NRXN2: variants seen among roughly 807,000 people sequenced by gnomAD.
NRXN2 encodes neurexin 2, also known as neurexin-2-beta.
In NRXN2, 29 loss-of-function variants were observed where a neutral mutation model predicts 128.8. That is an observed-to-expected ratio of 0.23 (90% CI 0.17 to 0.31). The LOEUF is 0.31. Among genes scored for constraint, NRXN2 ranks in the 10% least tolerant of loss-of-function variants. NRXN2 has a pLI of 1.00. For synonymous variants in NRXN2, 1,098 were observed against 1,075.2 expected (o/e 1.02, Z -0.41); for missense variants, 1,881 against 2,452.6 (o/e 0.77, Z 4.92).
Position 64,652,021 on chromosome 11 carries a change from C to T in NRXN2, c.2536+14G>A, listed in dbSNP as rs1219445886. On this transcript the variant is annotated intron_variant, in intron 13 of 22. Coordinates refer to ENST00000265459, the MANE Select transcript of NRXN2 (RefSeq NM_015080.4). The stretch of plus-strand genomic sequence containing the variant: ...CTGGAGATGTGTCCACCTCCCTGGG[C>T]CCAGACCACCTACCCTCCACAGTCA... 4.3e-6 allele frequency: 7 copies of T among 1,609,980 alleles called. No homozygotes were observed. The highest frequency in any genetic ancestry group is 5.1e-6 in the Non-Finnish European group (6 of 1,179,954).
At chr11:64,688,891 C>T in intron 5 of NRXN2, 1 of 803,448 alleles carries the variant, frequency 1.2e-6, no homozygotes, top group South Asian at 5.6e-5. Context: ...CTCTCGAGCT[C>T]TACAGCTGTC....
In NRXN2 at chr11:64,622,861, G is replaced by A. The variant is rs1211079930; in HGVS notation, c.4065C>T (p.Thr1355=). The change falls in exon 21 of 23, where the codon ACC becomes ACT. Residue 1355 remains threonine (T), a synonymous_variant. Coordinates refer to ENST00000265459, the MANE Select transcript of NRXN2 (RefSeq NM_015080.4). The surrounding 1 kb of genome is among the most constrained non-coding windows in gnomAD (Gnocchi z 4.3). ...SVLLSAETTA[T]TLLADMATTI... ...TGGTGGCCATGTCAGCCAGCAGGGTGGTGGCCGTGGTCTCCGCACTGAGCA... is the reference window on the plus strand; with the variant it reads ...TGGTGGCCATGTCAGCCAGCAGGGTAGTGGCCGTGGTCTCCGCACTGAGCA... 2 of 1,612,756 alleles carry A rather than the reference G, an allele frequency of 1.2e-6. No individual in the cohort carries two copies. Among genetic ancestry groups the A allele is most frequent in the South Asian group, 1.1e-5 (1 of 91,002 alleles).
intron 7 of NRXN2, among the ~76,000 whole-genome samples, chr11:64,671,060 C>T (rs1447408306): frequency 6.6e-6 from 1 of 152,214 alleles, no homozygotes; most frequent in African/African-American, 2.4e-5. Flanking sequence ...AGAGGAAACA[C>T]CCTCCTCAGT....
At position 64,630,250 on chromosome 11, in the gene NRXN2, C is replaced by A. The variant is rs1333206242; in HGVS notation, c.3757+152G>T. 9.6e-6 allele frequency: 7 copies of A among 730,420 alleles called. No individual in the cohort carries two copies. The East Asian group carries it at 2.1e-4, about 21-fold the overall frequency. 45.2% of individuals were successfully genotyped at this position (730,420 alleles called of 1,614,324 possible). ...TAGCCACGCCCCTGCCCTAGTCCCGCCTCGCAAGCTTCGTCTCTCCAGTAG... is the reference window on the plus strand; with the variant it reads ...TAGCCACGCCCCTGCCCTAGTCCCGACTCGCAAGCTTCGTCTCTCCAGTAG... On this transcript the variant is annotated intron_variant, in intron 19 of 22. Transcript: ENST00000265459. The surrounding 1 kb of genome is among the most constrained non-coding windows in gnomAD (Gnocchi z 4.6).
rs1346857982 is a variant in NRXN2 at position 64,660,435 on chromosome 11, G to A, written c.2286C>T (p.Ser762=). The change falls in exon 11 of 23, where the codon TCC becomes TCT. Residue 762 remains serine (S), a synonymous_variant. Coordinates refer to ENST00000265459, the MANE Select transcript of NRXN2 (RefSeq NM_015080.4). The surrounding 1 kb of genome is among the most constrained non-coding windows in gnomAD (Gnocchi z 5.2). The stretch of plus-strand genomic sequence containing the variant: ...CCATCATGAGTCCGTAGGCCCGCTG[G>A]GACATGAAACGCAGGGACACATCCT... ...EAEDVSLRFM[S]QRAYGLMMAT... 6.2e-7 allele frequency: 1 copy of A among 1,614,166 alleles called. No individual in the cohort carries two copies. The highest frequency in any genetic ancestry group is 2.2e-5 in the East Asian group (1 of 44,874).
chr11:64,715,188 G>C (rs2057260864), intron 1 of NRXN2, among the ~76,000 whole-genome samples: 1 of 152,178 alleles, frequency 6.6e-6, no homozygotes, highest in East Asian at 1.9e-4. Context: ...ATTTGTCAGA[G>C]CCCTGGGTGC....
In NRXN2 at chr11:64,660,766, C is replaced by T; in HGVS notation, c.2172G>A (p.Arg724=). ...GACCAGCCTCACCTCTCTCACAGACCCGCCCAAGAAAGCCGGTCCCGATGC... is the reference window on the plus strand; with the variant it reads ...GACCAGCCTCACCTCTCTCACAGACTCGCCCAAGAAAGCCGGTCCCGATGC... ...CDCIGTGFLG[R]VCEREATVLS... The change falls in exon 10 of 23, where the codon CGG becomes CGA. Residue 724 remains arginine, a synonymous_variant. Transcript: ENST00000265459. This position sits in a 1 kb window ranked among gnomAD's most constrained non-coding sequence, Gnocchi z 5.2. 1 of 1,612,304 alleles carries T rather than the reference C, an allele frequency of 6.2e-7. No individual in the cohort carries two copies. Among genetic ancestry groups the T allele is most frequent in the East Asian group, 2.2e-5 (1 of 44,872 alleles).
intron 2 of NRXN2, among the ~76,000 whole-genome samples, chr11:64,704,173 C>T (rs547880762): frequency 3.5e-4 from 53 of 152,196 alleles, no homozygotes; most frequent in African/African-American, 1.3e-3. Context: ...TAGGTGATTT[C>T]ATTTGCTTAA....
Position 64,630,430 on chromosome 11 carries a change from G to A in NRXN2, c.3729C>T (p.Ser1243=). Residue 1243 remains serine, a synonymous_variant, in exon 19 of 23, where the codon AGC becomes AGT. Transcript: ENST00000265459. This position sits in a 1 kb window ranked among gnomAD's most constrained non-coding sequence, Gnocchi z 4.6. ...SGGNATLQVD[S]WPVNERYPAG... ...CCGGGTACCGCTCGTTGACCGGCCA[G>A]CTGTCCACCTGCAGGGTGGCGTTGC... is the stretch of plus-strand genomic sequence containing the variant. 6.2e-7 allele frequency: 1 copy of A among 1,612,932 alleles called. No individual in the cohort carries two copies.
At chr11:64,642,447 G>A (rs930032579) in intron 17 of NRXN2, 5 of 1,482,648 alleles carry the variant, frequency 3.4e-6, no homozygotes, top group East Asian at 5.3e-5. Flanking sequence ...GTGCACAGCT[G>A]GGGTGGGGCC....
chr11:64,614,007 G>A (rs1293893535), intron 22 of NRXN2, among the ~76,000 whole-genome samples: 1 of 152,088 alleles, frequency 6.6e-6, no homozygotes, highest in Admixed American at 6.6e-5. Flanking sequence ...CATAGTACAA[G>A]GAAGAGACCA....
Position 64,660,922 on chromosome 11 carries a change from G to A in NRXN2, c.2016C>T (p.Gly672=). 1 of 1,613,656 alleles carries A rather than the reference G, an allele frequency of 6.2e-7. No individual in the cohort carries two copies. ...CCACAGCCCCCTGAGCCTCAGCCAG[G>A]CCCCGGAGGTCTCGGCTACGCCCAT... is the stretch of plus-strand genomic sequence containing the variant. The part of the protein sequence containing the change: ...FIDGRSRDLR[G]LAEAQGAVGV... The change falls in exon 10 of 23, where the codon GGC becomes GGT. Residue 672 remains glycine (G), a synonymous_variant. Coordinates refer to ENST00000265459, the MANE Select transcript of NRXN2 (RefSeq NM_015080.4). This position sits in a 1 kb window ranked among gnomAD's most constrained non-coding sequence, Gnocchi z 5.2.
chr11:64,661,149 A>G lies in NRXN2; in HGVS notation c.1799-10T>C. ...TTCACTGAGATGGAGCCTGGGAATC[A>G]AGGGAAGGCAGGATGGAGAAAAGCC... On this transcript the variant is annotated splice_polypyrimidine_tract_variant and intron_variant, in intron 9 of 22. Transcript: ENST00000265459. The G allele has an allele frequency of 6.2e-7, 1 of 1,613,330 alleles. No homozygotes were observed. Among genetic ancestry groups the G allele is most frequent in the Admixed American group, 1.7e-5 (1 of 60,022 alleles).
intron 2 of NRXN2, among the ~76,000 whole-genome samples, chr11:64,703,555 T>C (rs1406231027): frequency 2.0e-5 from 3 of 152,198 alleles, no homozygotes; most frequent in African/African-American, 7.2e-5. Flanking sequence ...CTGATTCTAA[T>C]CTAAGGTTCT....
At chr11:64,640,273 C>A (rs573125408) in intron 17 of NRXN2, among the ~76,000 whole-genome samples, 1 of 152,214 alleles carries the variant, frequency 6.6e-6, no homozygotes, top group South Asian at 2.1e-4. Context: ...TGCTCCTTCA[C>A]GGAATCTTCC....
intron 6 of NRXN2, 107 bp downstream of exon 6, chr11:64,685,539 C>G: frequency 1.4e-6 from 2 of 1,445,424 alleles, no homozygotes; most frequent in Non-Finnish European, 1.9e-6. Flanking sequence ...CCACACCTCA[C>G]TGCCCAGCCC....
In NRXN2 at chr11:64,667,129, G is replaced by C; in HGVS notation, c.1798+121C>G. 1 of 1,002,642 alleles carries C rather than the reference G, an allele frequency of 1.0e-6. No homozygotes were observed. The highest frequency in any genetic ancestry group is 1.5e-6 in the Non-Finnish European group (1 of 658,200). 62.1% of individuals were successfully genotyped at this position (1,002,642 alleles called of 1,614,324 possible). A position where few individuals can be genotyped will look rare whatever the true frequency, so the allele number is the denominator to read the frequency against. On this transcript the variant is annotated intron_variant, in intron 9 of 22. Transcript: ENST00000265459. This position sits in a 1 kb window ranked among gnomAD's most constrained non-coding sequence, Gnocchi z 5.6. ...AAGACGTGAGGGGGGTGGAGGAGAA[G>C]CGGCAGGGAAGAATATAGGAAATGG... is the stretch of plus-strand genomic sequence containing the variant.
At chr11:64,721,481 TCTC>T (rs1468261008) in intron 1 of NRXN2, among the ~76,000 whole-genome samples, 2 of 151,678 alleles carry the variant, frequency 1.3e-5, no homozygotes, top group Non-Finnish European at 2.9e-5. Context: ...GCCAGACCCT[TCTC>T]CCCTGTCTCC....
intron 1 of NRXN2, among the ~76,000 whole-genome samples, chr11:64,719,929 C>T (rs2057391568): frequency 1.3e-5 from 2 of 152,172 alleles, no homozygotes; most frequent in Non-Finnish European, 2.9e-5. Flanking sequence ...TTACGGGGAC[C>T]TTCTATGTGT....
Sources: allele counts gnomAD v4.1 joint callset (sites outside exome capture counted in the v4.1 genomes callset), GRCh38; gene constraint gnomAD v4.1.1; non-coding constraint Gnocchi (gnomAD v3.1); transcripts MANE v1.5; gene names NCBI Gene and HGNC (gene_info 2026-07-23, HGNC 2026-07-21).